TBC1D15: variants seen among roughly 807,000 people sequenced by gnomAD.
The protein encoded by TBC1D15 is TBC1 domain family member 15, also known as GAP for RAB7.
TBC1D15 carries 39 observed loss-of-function variants against 95.4 expected under a neutral mutation model. That is an observed-to-expected ratio of 0.41 (90% CI 0.32 to 0.53). TBC1D15 has a LOEUF of 0.53. Ranked by LOEUF, TBC1D15 falls within the 20% of genes least tolerant of loss-of-function variation. The pLI is 0.29. For synonymous variants in TBC1D15, 258 were observed against 261.3 expected, an observed-to-expected ratio of 0.99 and a Z score of 0.12; for missense variants, 733 against 794.3, an observed-to-expected ratio of 0.92 and a Z score of 0.93.
chr12:71,908,078 G>C (rs1901216953), intron 11 of TBC1D15: 1 of 152,458 alleles, frequency 6.6e-6, no homozygotes, highest in South Asian at 2.1e-4. Flanking sequence ...GGCTGAGTTA[G>C]GAGAATCGCT....
At chr12:71,840,709 C>T (rs1884754651) in intron 1 of TBC1D15, among the ~76,000 whole-genome samples, 1 of 152,180 alleles carries the variant, frequency 6.6e-6, no homozygotes, top group South Asian at 2.1e-4. Context: ...AGATAGCGTC[C>T]TCTGTTCCTT....
intron 1 of TBC1D15, among the ~76,000 whole-genome samples, chr12:71,857,811 T>C (rs933738485): frequency 4.6e-5 from 7 of 152,216 alleles, no homozygotes; most frequent in Admixed American, 3.3e-4. Flanking sequence ...AGCTGTACTT[T>C]AGTATTCATT....
intron 3 of TBC1D15, 119 bp downstream of exon 3, chr12:71,873,122 T>C: frequency 1.5e-6 from 1 of 660,444 alleles, no homozygotes; most frequent in Admixed American, 3.0e-5. Context: ...CAGTGGTTTT[T>C]AGCATATTTA....
At chr12:71,912,552 G>GT (rs1902649642) in intron 11 of TBC1D15, among the ~76,000 whole-genome samples, 1 of 152,030 alleles carries the variant, frequency 6.6e-6, no homozygotes, top group Non-Finnish European at 1.5e-5. Context: ...TTTGATCTGA[G>GT]TTTTCTCAAG....
chr12:71,863,510 A>G (rs1026474408), intron 1 of TBC1D15, among the ~76,000 whole-genome samples: 4 of 152,220 alleles, frequency 2.6e-5, no homozygotes, highest in African/African-American at 9.7e-5. Flanking sequence ...ACCTTAAGGA[A>G]GACCTTTTTA....
At position 71,872,170 on chromosome 12, in the gene TBC1D15, T is replaced by C. The variant is rs752031662; in HGVS notation, c.129+2T>C. On this transcript the variant is annotated splice_donor_variant, in intron 2 of 16. Coordinates refer to ENST00000485960, the MANE Select transcript of TBC1D15 (RefSeq NM_001146213.3). LOFTEE classifies it high-confidence loss of function. ...GGAATATTACGTGTTTTAGAAAAGG[T>C]AAGTTTCTAGTAAATGATTTTATTT... 1.3e-6 allele frequency: 2 copies of C among 1,521,670 alleles called. No individual in the cohort carries two copies. Among genetic ancestry groups the C allele is most frequent in the East Asian group, 4.8e-5 (2 of 41,664 alleles). The allele number at this position is 1,521,670 out of a possible 1,614,324, so 94.3% of individuals were successfully genotyped here.
chr12:71,891,390 A>G (rs1256534373), intron 5 of TBC1D15, among the ~76,000 whole-genome samples: 1 of 152,168 alleles, frequency 6.6e-6, no homozygotes, highest in Non-Finnish European at 1.5e-5. Context: ...TTAAAAGTTC[A>G]TCTTACTGCT....
In TBC1D15 at chr12:71,901,935, A is replaced by G. The variant is rs115216946; in HGVS notation, c.1183+3994A>G. ...ATGTGCAAAAATCAGTAGCATTGGT[A>G]TACACCAACAACGTCCAAGCCGAGA... On this transcript the variant is annotated intron_variant, in intron 10 of 16. Transcript: ENST00000485960. 2.5e-3 allele frequency among the ~76,000 whole-genome samples: 385 copies of G among 152,304 alleles called. 1 individual carries two copies. Among genetic ancestry groups the G allele is most frequent in the African/African-American group, 8.8e-3 (366 of 41,564 alleles).
At chr12:71,849,075 A>G (rs1269619080) in intron 1 of TBC1D15, among the ~76,000 whole-genome samples, 4 of 152,024 alleles carry the variant, frequency 2.6e-5, no homozygotes. Context: ...GTGACTGCCA[A>G]AATATTTTGT....
chr12:71,848,853 GCTC>G (rs1224964912), intron 1 of TBC1D15, among the ~76,000 whole-genome samples: 1 of 152,072 alleles, frequency 6.6e-6, no homozygotes, highest in African/African-American at 2.4e-5. Context: ...GGTTTGTCAA[GCTC>G]CTAGGCTTCA....
intron 15 of TBC1D15, 80 bp downstream of exon 15, chr12:71,920,927 A>T: frequency 1.0e-6 from 1 of 968,958 alleles, no homozygotes; most frequent in Non-Finnish European, 1.6e-6. Flanking sequence ...TTTCCTTGGA[A>T]CATTATTAAA....
Position 71,923,150 on chromosome 12 carries a change from C to T in TBC1D15, c.1971C>T (p.Asp657=), listed in dbSNP as rs761132652. The T allele has an allele frequency of 2.5e-6, 4 of 1,614,210 alleles. No individual in the cohort carries two copies. Among genetic ancestry groups the T allele is most frequent in the Admixed American group, 3.3e-5 (2 of 60,028 alleles). Residue 657 remains aspartate (D), a synonymous_variant, in exon 17 of 17, where the codon GAC becomes GAT. Coordinates refer to ENST00000485960, the MANE Select transcript of TBC1D15 (RefSeq NM_001146213.3). ...PTLSASGARN[D]SPTQIPVSSD... ...TCTCTGCCAGTGGAGCCAGAAATGA[C>T]AGCCCAACACAGATACCAGTGTCCT...
chr12:71,859,775 T>TGGC (rs1299859311), intron 1 of TBC1D15, among the ~76,000 whole-genome samples: 1 of 151,964 alleles, frequency 6.6e-6, no homozygotes, highest in African/African-American at 2.4e-5. Flanking sequence ...GCCCAGCTGA[T>TGGC]TTCTTTTGTA....
At chr12:71,889,202 A>G (rs1361479231) in intron 5 of TBC1D15, among the ~76,000 whole-genome samples, 1 of 152,180 alleles carries the variant, frequency 6.6e-6, no homozygotes, top group East Asian at 1.9e-4. Flanking sequence ...ATTAGGCTTA[A>G]TCATTAAGTT....
At chr12:71,896,650 T>C (rs1462436387) in intron 8 of TBC1D15, 27 bp from the exon 9 acceptor site, 2 of 1,565,158 alleles carry the variant, frequency 1.3e-6, no homozygotes, top group African/African-American at 2.7e-5. Flanking sequence ...TTTTCATTCA[T>C]GTATTTAATA....
chr12:71,869,102 T>C (rs893499555), intron 1 of TBC1D15, among the ~76,000 whole-genome samples: 6 of 152,240 alleles, frequency 3.9e-5, no homozygotes, highest in African/African-American at 1.2e-4. Context: ...AGTTACTTTT[T>C]TGTGACAACA....
At chr12:71,901,173 A>T (rs1899301793) in intron 10 of TBC1D15, among the ~76,000 whole-genome samples, 1 of 152,116 alleles carries the variant, frequency 6.6e-6, no homozygotes, top group Non-Finnish European at 1.5e-5. Flanking sequence ...TGCACGCACC[A>T]TCACACCCGG....
At chr12:71,909,957 G>A (rs983367003) in intron 11 of TBC1D15, among the ~76,000 whole-genome samples, 1 of 152,026 alleles carries the variant, frequency 6.6e-6, no homozygotes, top group African/African-American at 2.4e-5. Context: ...AGAACATAAT[G>A]TATAAAATAA....
At position 71,880,505 on chromosome 12, in the gene TBC1D15, A is replaced by G; in HGVS notation, c.241A>G (p.Lys81Glu). 2.5e-6 allele frequency: 4 copies of G among 1,610,592 alleles called. No homozygotes were observed. The highest frequency in any genetic ancestry group is 1.3e-5 in the African/African-American group (1 of 74,964). Residue 81 changes from lysine to glutamate, a missense_variant, in exon 4 of 17, where the codon AAA becomes GAA. Transcript: ENST00000485960. The part of the protein sequence containing the change: ...SSVVEWTQAP[K>E]ERGHRGSEHL... ...AGTTGTAGAATGGACTCAGGCCCCAAAAGAAAGAGGTCATCGAGGATCAGA... is the reference window on the plus strand; with the variant it reads ...AGTTGTAGAATGGACTCAGGCCCCAGAAGAAAGAGGTCATCGAGGATCAGA...
Sources: gnomAD v4.1 joint callset for allele counts (sites outside exome capture counted in the v4.1 genomes callset) on GRCh38, gnomAD v4.1.1 for gene constraint, MANE v1.5 for transcripts, NCBI Gene and HGNC (gene_info 2026-07-23, HGNC 2026-07-21) for gene names.